Variants in NAV2 observed in about 807,000 individuals in gnomAD.
NAV2 encodes the protein neuron navigator 2.
In NAV2, 54 loss-of-function variants were observed where a neutral mutation model predicts 223.2. The observed-to-expected ratio is 0.24, with a 90% CI of 0.19 to 0.30. NAV2 has a LOEUF of 0.30. NAV2 is among the 10% of genes least tolerant of loss of function. The pLI is 1.00. For synonymous variants in NAV2, 1,279 were observed against 1,239.3 expected (o/e 1.03, Z -0.67); for missense variants, 2,806 against 3,147.5 (o/e 0.89, Z 2.60).
At chr11:19,945,834 C>T (rs1240480998) in intron 8 of NAV2, among the ~76,000 whole-genome samples, 1 of 152,196 alleles carries the variant, frequency 6.6e-6, no homozygotes, top group Non-Finnish European at 1.5e-5. Flanking sequence ...GGACCAGCAC[C>T]TTCCCCACAG....
intron 1 of NAV2, among the ~76,000 whole-genome samples, chr11:19,579,796 G>T (rs1180668290): frequency 2.0e-5 from 3 of 152,170 alleles, no homozygotes; most frequent in African/African-American, 7.2e-5. Flanking sequence ...AATTCTCATG[G>T]GAATGATTGG....
At chr11:19,380,799 A>G (rs1273800864) in intron 1 of NAV2, among the ~76,000 whole-genome samples, 1 of 152,178 alleles carries the variant, frequency 6.6e-6, no homozygotes, top group African/African-American at 2.4e-5. Flanking sequence ...AGAACAAAGA[A>G]CCACTTGTGT....
At chr11:19,427,934 C>G (rs984504647) in intron 1 of NAV2, among the ~76,000 whole-genome samples, 6 of 151,814 alleles carry the variant, frequency 4.0e-5, no homozygotes, top group Admixed American at 6.6e-5. Context: ...GAGTTTGAAT[C>G]TGCATCCCCC....
At chr11:19,356,685 G>T (rs769487223) in intron 1 of NAV2, among the ~76,000 whole-genome samples, 1 of 152,158 alleles carries the variant, frequency 6.6e-6, no homozygotes, top group African/African-American at 2.4e-5. Flanking sequence ...GGCTGCAGCT[G>T]GGATGGATGC....
In NAV2 at chr11:19,519,220, G is replaced by T. The variant is rs74983666; in HGVS notation, c.75+168193G>T. Among the ~76,000 whole-genome samples the T allele has an allele frequency of 6.7e-3, 1,024 of 152,260 alleles. 10 individuals carry two copies. Among genetic ancestry groups the T allele is most frequent in the African/African-American group, 0.023 (972 of 41,548 alleles). On this transcript the variant is annotated intron_variant, in intron 1 of 37. Transcript: ENST00000360655. ...TTCCCAAAATCTTTGTGGAACACCT[G>T]CCTTCTACCACCAAATACCAACTGG...
At chr11:19,588,785 G>T (rs1311519840) in intron 1 of NAV2, among the ~76,000 whole-genome samples, 1 of 152,212 alleles carries the variant, frequency 6.6e-6, no homozygotes, top group African/African-American at 2.4e-5. Context: ...AAAAAAGAAA[G>T]GAGTCAGAGC....
At chr11:19,820,469 AAGTGCTG>A (rs762385842) in intron 1 of NAV2, among the ~76,000 whole-genome samples, 1 of 152,190 alleles carries the variant, frequency 6.6e-6, no homozygotes, top group Non-Finnish European at 1.5e-5. Flanking sequence ...GAGTGGGAGG[AAGTGCTG>A]TAGAAAGGGA....
chr11:19,828,781 AATTAG>A (rs1198243411), intron 1 of NAV2, among the ~76,000 whole-genome samples: 1 of 152,176 alleles, frequency 6.6e-6, no homozygotes, highest in South Asian at 2.1e-4. Flanking sequence ...TTGAACGGGT[AATTAG>A]ATTAGAGCTG....
intron 1 of NAV2, among the ~76,000 whole-genome samples, chr11:19,817,134 C>T (rs2152833351): frequency 6.6e-6 from 1 of 152,294 alleles, no homozygotes; most frequent in Admixed American, 6.5e-5. Context: ...ACACAGTTTG[C>T]CTTTGGTGTT....
At position 20,075,325 on chromosome 11, in the gene NAV2, G is replaced by A. The variant is rs548218870; in HGVS notation, c.4984-2227G>A. ...TGCAAGCTCCGCCTCCCGGGTTCAC[G>A]CCATTCTCCTGCCTCAGCCTCCCGA... is the stretch of plus-strand genomic sequence containing the variant. On this transcript the variant is annotated intron_variant, in intron 22 of 37. Transcript: ENST00000349880. 2.7e-3 allele frequency among the ~76,000 whole-genome samples: 416 copies of A among 151,898 alleles called. 2 individuals carry two copies. Among genetic ancestry groups the A allele is most frequent in the African/African-American group, 8.5e-3 (353 of 41,418 alleles).
rs190078020 is a variant in NAV2, at chr11:19,948,101, G to T, written c.2256-590G>T. ...AAATTCTTATTTTTTTTTTTGCCGG[G>T]GGGGATGGAGTCTCACTCTCTGTCG... On this transcript the variant is annotated intron_variant, in intron 9 of 37. Transcript: ENST00000349880. Among the ~76,000 whole-genome samples the T allele has an allele frequency of 2.4e-4, 37 of 151,324 alleles. No homozygotes were observed. In the East Asian group the frequency reaches 3.7e-3, roughly 15 times the overall value.
At chr11:19,943,799 G>A (rs534626497) in intron 8 of NAV2, among the ~76,000 whole-genome samples, 1 of 152,216 alleles carries the variant, frequency 6.6e-6, no homozygotes, top group East Asian at 1.9e-4. Context: ...TGCTTCCTCA[G>A]TCTTCTCAGC....
intron 10 of NAV2, among the ~76,000 whole-genome samples, chr11:19,952,783 A>G (rs1373497071): frequency 1.3e-5 from 2 of 152,006 alleles, no homozygotes; most frequent in Non-Finnish European, 2.9e-5. Flanking sequence ...AATTCTCCCT[A>G]TGGTAGGGCT....
rs1452410560 is a variant in NAV2, at chr11:19,998,586, C to G, written c.2768+14339C>G. 2.0e-5 allele frequency among the ~76,000 whole-genome samples: 3 copies of G among 152,146 alleles called. No homozygotes were observed. The highest frequency in any genetic ancestry group is 7.2e-5 in the African/African-American group (3 of 41,426). On this transcript the variant is annotated intron_variant, in intron 11 of 37. Transcript: ENST00000349880. This position sits in a 1 kb window ranked among gnomAD's most constrained non-coding sequence, Gnocchi z 5.0. The stretch of plus-strand genomic sequence containing the variant: ...TCTGGCCCCTGCGCACCTCTCCAGC[C>G]TCACCTCATCACGCTTTACCTCCCT...
At chr11:19,900,957 AG>A (rs2042395631) in intron 6 of NAV2, among the ~76,000 whole-genome samples, 1 of 152,216 alleles carries the variant, frequency 6.6e-6, no homozygotes, top group Non-Finnish European at 1.5e-5. Flanking sequence ...AAGTGGCAAC[AG>A]GCTTCTATAG....
chr11:19,922,217 AGTCATGGACTGCTCTGGCAGGT>A (rs1363853986), intron 6 of NAV2, among the ~76,000 whole-genome samples: 2 of 150,366 alleles, frequency 1.3e-5, no homozygotes, highest in East Asian at 3.9e-4. Flanking sequence ...AATGGTCCTG[AGTCATGGACTGCTCTGGCAGGT>A]GTTGCTGTAA....
At chr11:19,892,376 C>G in intron 5 of NAV2, 58 bp from the exon 6 acceptor site, 1 of 1,545,054 alleles carries the variant, frequency 6.5e-7, no homozygotes, top group Non-Finnish European at 8.8e-7. Context: ...TTCCTTCTTC[C>G]TACACACTGT....
intron 1 of NAV2, among the ~76,000 whole-genome samples, chr11:19,520,691 C>T (rs1251787192): frequency 2.0e-5 from 3 of 152,206 alleles, no homozygotes; most frequent in African/African-American, 7.2e-5. Flanking sequence ...CATGAGCTCC[C>T]CAGGAATATC....
intron 6 of NAV2, among the ~76,000 whole-genome samples, chr11:19,897,689 C>T (rs2042098997): frequency 6.6e-6 from 1 of 151,994 alleles, no homozygotes; most frequent in Non-Finnish European, 1.5e-5. Flanking sequence ...TCCTGGACAG[C>T]AACATAACCT....
Sources: allele counts gnomAD v4.1 joint callset (sites outside exome capture counted in the v4.1 genomes callset), GRCh38; gene constraint gnomAD v4.1.1; non-coding constraint Gnocchi (gnomAD v3.1); transcripts MANE v1.5; gene names NCBI Gene and HGNC (gene_info 2026-07-23, HGNC 2026-07-21).